ECPAS: variants seen among roughly 807,000 people sequenced by gnomAD.
ECPAS encodes proteasome adapter and scaffold protein ECM29.
In ECPAS, 70 loss-of-function variants were observed where a neutral mutation model predicts 255.1. The observed-to-expected ratio is 0.27, with a 90% CI of 0.23 to 0.33. The LOEUF is 0.33. ECPAS is among the 10% of genes least tolerant of loss of function. ECPAS has a pLI of 1.00. For missense variants in ECPAS, 1,817 were observed against 2,206.4 expected, an observed-to-expected ratio of 0.82 and a Z score of 3.54; for synonymous variants, 784 against 775.0, an observed-to-expected ratio of 1.01 and a Z score of -0.19.
intron 21 of ECPAS, 59 bp from the exon 22 acceptor site, chr9:111,411,201 A>G: frequency 2.6e-6 from 4 of 1,533,960 alleles, no homozygotes; most frequent in Non-Finnish European, 3.6e-6. Flanking sequence ...GCAAGAATAC[A>G]TGGCAGTAAC....
intron 36 of ECPAS, among the ~76,000 whole-genome samples, chr9:111,378,015 G>A (rs557314584): frequency 9.2e-4 from 139 of 151,882 alleles, no homozygotes; most frequent in Middle Eastern, 6.8e-3. Context: ...GTGTGGTGGC[G>A]CTCACCTGTA....
intron 23 of ECPAS, among the ~76,000 whole-genome samples, chr9:111,409,709 A>T (rs2098190993): frequency 7.5e-6 from 1 of 132,684 alleles, no homozygotes; most frequent in Admixed American, 8.3e-5. Flanking sequence ...GCCTAAAATA[A>T]AAAAAAAATC....
At chr9:111,440,577 G>C in intron 5 of ECPAS, 56 bp from the exon 6 acceptor site, 1 of 1,361,032 alleles carries the variant, frequency 7.3e-7, no homozygotes, top group Non-Finnish European at 9.9e-7. Context: ...TTTTATACAT[G>C]CAAAACACAG....
chr9:111,467,204 GAAAA>G (rs1242620678), intron 2 of ECPAS, among the ~76,000 whole-genome samples: 1 of 151,544 alleles, frequency 6.6e-6, no homozygotes, highest in East Asian at 1.9e-4. Context: ...AAAGAGAAGA[GAAAA>G]AAGAAGAGAA....
chr9:111,378,558 T>C (rs768589899), intron 36 of ECPAS, 22 bp downstream of exon 36: 7 of 1,602,284 alleles, frequency 4.4e-6, no homozygotes, highest in South Asian at 2.2e-5. Flanking sequence ...TACTTACCAA[T>C]ATGCCTGCGC....
chr9:111,362,247 G>C, intron 49 of ECPAS, 78 bp from the exon 50 acceptor site: 1 of 1,235,772 alleles, frequency 8.1e-7, no homozygotes, highest in African/African-American at 1.6e-5. Context: ...AATCCTTATA[G>C]AACAAGCAAG....
At chr9:111,382,368 G>A (rs1457664775) in intron 35 of ECPAS, among the ~76,000 whole-genome samples, 2 of 149,848 alleles carry the variant, frequency 1.3e-5, no homozygotes, top group African/African-American at 2.5e-5. Flanking sequence ...GGGTTCAAGC[G>A]ACTCTCCTGC....
In ECPAS at chr9:111,387,713, T is replaced by C. The variant is rs143264280; in HGVS notation, c.3448-1257A>G. ...CGTCAGTGCAGTTACTGAGAGACAG[T>C]GTCTCACTCGTCAGTGCAGTTATTG... On this transcript the variant is annotated intron_variant, in intron 31 of 49. Coordinates refer to ENST00000684092, the MANE Select transcript of ECPAS (RefSeq NM_001364929.1). 2.1e-3 allele frequency among the ~76,000 whole-genome samples: 288 copies of C among 138,540 alleles called. 1 individual carries two copies. Among genetic ancestry groups the C allele is most frequent in the African/African-American group, 7.7e-3 (278 of 36,140 alleles). 90.9% of individuals were successfully genotyped at this position (138,540 alleles called of 152,430 possible). A position where few individuals can be genotyped will look rare whatever the true frequency, so the allele number is the denominator to read the frequency against.
At chr9:111,403,191 GA>G (rs34002065) in intron 24 of ECPAS, among the ~76,000 whole-genome samples, 3,698 of 120,838 alleles carry the variant, frequency 0.031, 126 homozygotes, top group African/African-American at 0.095. Context: ...CATCTCTACT[GA>G]AAAAAAAAAA....
At chr9:111,422,086 A>C in intron 14 of ECPAS, 43 bp from the exon 15 acceptor site, 1 of 1,613,600 alleles carries the variant, frequency 6.2e-7, no homozygotes, top group East Asian at 2.2e-5. Context: ...TTGGGTTCCC[A>C]GGGGAACATC....
At chr9:111,411,175 GCT>G (rs1201859472) in intron 21 of ECPAS, 33 bp from the exon 22 acceptor site, 4 of 1,608,054 alleles carry the variant, frequency 2.5e-6, no homozygotes, top group Non-Finnish European at 3.4e-6. Flanking sequence ...CATATCTCTG[GCT>G]CTCTCTCATA....
chr9:111,440,804 G>C (rs928312557), intron 5 of ECPAS, among the ~76,000 whole-genome samples: 8 of 152,166 alleles, frequency 5.3e-5, no homozygotes, highest in African/African-American at 1.9e-4. Context: ...GTTAATATCT[G>C]AAGTTTCCAC....
chr9:111,370,791 A>C, intron 43 of ECPAS, 26 bp from the exon 44 acceptor site: 6 of 1,580,170 alleles, frequency 3.8e-6, no homozygotes, highest in Non-Finnish European at 5.2e-6. Context: ...ATGAGGAAAT[A>C]CTATTAAGCC....
At chr9:111,446,956 G>T (rs1296531669) in intron 3 of ECPAS, among the ~76,000 whole-genome samples, 1 of 152,090 alleles carries the variant, frequency 6.6e-6, no homozygotes, top group Non-Finnish European at 1.5e-5. Flanking sequence ...CTGTGATACC[G>T]CTAGGCGACA....
At chr9:111,460,019 A>G (rs2098271340) in intron 2 of ECPAS, among the ~76,000 whole-genome samples, 1 of 152,236 alleles carries the variant, frequency 6.6e-6, no homozygotes, top group South Asian at 2.1e-4. Flanking sequence ...TTTCTCATGA[A>G]TATAGACGCA....
intron 1 of ECPAS, among the ~76,000 whole-genome samples, chr9:111,478,093 G>C: frequency 6.6e-6 from 1 of 151,340 alleles, no homozygotes; most frequent in East Asian, 2.0e-4. Flanking sequence ...TAGTAACAGG[G>C]TTTCACCATG....
Position 111,484,132 on chromosome 9 carries a change from C to G in ECPAS, c.-99G>C, listed in dbSNP as rs1214171409. On this transcript the variant is annotated 5_prime_UTR_variant, in exon 1 of 50. Coordinates refer to ENST00000684092, the MANE Select transcript of ECPAS (RefSeq NM_001364929.1). ...GCCTCTGACCTGAGTCGGAGCCGGT[C>G]TCCATGCCGCGGACGCTGCGCTCGG... 1.2e-5 allele frequency: 17 copies of G among 1,459,328 alleles called. No homozygotes were observed. The highest frequency in any genetic ancestry group is 1.5e-5 in the Non-Finnish European group (17 of 1,108,392). 90.4% of individuals were successfully genotyped at this position (1,459,328 alleles called of 1,614,324 possible).
chr9:111,377,570 T>C (rs2098134807), intron 36 of ECPAS, among the ~76,000 whole-genome samples: 1 of 152,170 alleles, frequency 6.6e-6, no homozygotes, highest in African/African-American at 2.4e-5. Flanking sequence ...TATACATACA[T>C]TAAAAAGAAT....
chr9:111,423,715 C>T (rs1056851915), intron 12 of ECPAS, among the ~76,000 whole-genome samples: 2 of 152,182 alleles, frequency 1.3e-5, no homozygotes, highest in Non-Finnish European at 1.5e-5. Flanking sequence ...TAAAAATCTA[C>T]ACTGTAATGA....
Sources: gnomAD v4.1 joint callset for allele counts (sites outside exome capture counted in the v4.1 genomes callset) on GRCh38, gnomAD v4.1.1 for gene constraint, MANE v1.5 for transcripts, NCBI Gene and HGNC (gene_info 2026-07-23, HGNC 2026-07-21) for gene names.